The following SLC3A2 variants were observed in gnomAD, a reference collection of about 807,000 sequenced individuals.
SLC3A2 encodes the protein amino acid transporter heavy chain SLC3A2.
In SLC3A2, 32 loss-of-function variants were observed where a neutral mutation model predicts 48.5. That is an observed-to-expected ratio of 0.66 (90% CI 0.50 to 0.89). SLC3A2 has a LOEUF of 0.89. Ranked by LOEUF, SLC3A2 falls within the 40% of genes least tolerant of loss-of-function variation. The pLI is 0.00. For missense variants in SLC3A2, 587 were observed against 680.7 expected (o/e 0.86, Z 1.53); for synonymous variants, 277 against 288.8 (o/e 0.96, Z 0.41).
At chr11:62,863,998 C>T (rs1322168139) in intron 1 of SLC3A2, among the ~76,000 whole-genome samples, 1 of 152,164 alleles carries the variant, frequency 6.6e-6, no homozygotes, top group Non-Finnish European at 1.5e-5. Context: ...AGACTTGATG[C>T]AGAGCCCTTT....
chr11:62,859,936 G>A (rs1411773777), intron 1 of SLC3A2, among the ~76,000 whole-genome samples: 1 of 152,182 alleles, frequency 6.6e-6, no homozygotes, highest in Non-Finnish European at 1.5e-5. Flanking sequence ...TATAGAGGAA[G>A]AAAAGTGGAC....
At position 62,881,880 on chromosome 11, in the gene SLC3A2, G is replaced by GC; in HGVS notation, c.425-8dup. The GC allele has an allele frequency of 1.9e-6, 3 of 1,612,678 alleles. No homozygotes were observed. The highest frequency in any genetic ancestry group is 2.5e-6 in the Non-Finnish European group (3 of 1,179,120). ...CAGAGGGGCCTCACTTGTTAACCCAGCCCCCATTTCAGGTCTGAAGGGGCG... is the reference window on the plus strand; with the variant it reads ...CAGAGGGGCCTCACTTGTTAACCCAGCCCCCCATTTCAGGTCTGAAGGGGCG... On this transcript the variant is annotated splice_polypyrimidine_tract_variant and intron_variant, in intron 1 of 8. Transcript: ENST00000338663. The surrounding 1 kb of genome is among the most constrained non-coding windows in gnomAD (Gnocchi z 4.0).
At position 62,888,410 on chromosome 11, in the gene SLC3A2, T is replaced by C; in HGVS notation, c.1307T>C (p.Leu436Pro). ...CAGCGGAGTAAGGAGCGCTCCCTAC[T>C]GCATGGGGACTTCCACGCGTTCTCC... Reference protein sequence around the residue: ...SDQRSKERSLLHGDFHAFSAG... With the variant: ...SDQRSKERSLPHGDFHAFSAG... The change falls in exon 9 of 9, where the codon CTG becomes CCG. Residue 436 changes from leucine (L) to proline (P), a missense_variant. Around this residue, in one of 3 missense-constraint regions of SLC3A2, gnomAD observed 169 missense variants for 204.4 expected, o/e 0.83. Coordinates refer to ENST00000338663, the MANE Select transcript of SLC3A2 (RefSeq NM_001013251.3). 1 of 1,614,240 alleles carries C rather than the reference T, an allele frequency of 6.2e-7. No homozygotes were observed. The highest frequency in any genetic ancestry group is 2.2e-5 in the East Asian group (1 of 44,888).
intron 1 of SLC3A2, among the ~76,000 whole-genome samples, chr11:62,861,315 CA>C (rs1182735957): frequency 2.7e-5 from 4 of 147,098 alleles, no homozygotes; most frequent in South Asian, 2.1e-4. Flanking sequence ...GGCCCTGTCT[CA>C]AAAAAAAAAG....
At chr11:62,863,024 C>T (rs1426754414) in intron 1 of SLC3A2, among the ~76,000 whole-genome samples, 1 of 152,086 alleles carries the variant, frequency 6.6e-6, no homozygotes, top group African/African-American at 2.4e-5. Flanking sequence ...CAGGTTCAAG[C>T]GATTCTCTTG....
intron 1 of SLC3A2, among the ~76,000 whole-genome samples, chr11:62,857,423 C>T (rs1190628208): frequency 1.3e-5 from 2 of 152,146 alleles, no homozygotes; most frequent in Non-Finnish European, 2.9e-5. Context: ...CACACCCGGC[C>T]TGGCTCAGCA....
At chr11:62,885,715 T>G (rs1052144902) in intron 7 of SLC3A2, 107 bp downstream of exon 7, 1 of 1,252,486 alleles carries the variant, frequency 8.0e-7, no homozygotes, top group Non-Finnish European at 1.1e-6. Flanking sequence ...AAAACGCGTT[T>G]GATTCTTAGT....
At chr11:62,882,237 G>C (rs2085651399) in intron 2 of SLC3A2, 171 bp downstream of exon 2, 1 of 739,918 alleles carries the variant, frequency 1.4e-6, no homozygotes, top group East Asian at 2.7e-5. Context: ...GTCGTCTGGG[G>C]GCTTTCTACT....
upstream of SLC3A2, among the ~76,000 whole-genome samples, chr11:62,879,806 G>A (rs1044973191): frequency 2.0e-5 from 3 of 152,226 alleles, no homozygotes; most frequent in Non-Finnish European, 4.4e-5. Context: ...GGCACCCCAC[G>A]GTGTTGATGT....
intron 1 of SLC3A2, among the ~76,000 whole-genome samples, chr11:62,860,150 T>G (rs1038864083): frequency 6.6e-6 from 1 of 152,140 alleles, no homozygotes; most frequent in African/African-American, 2.4e-5. Flanking sequence ...GTGCTGTGCC[T>G]TGATGTGCAC....
rs754875020 is a variant in SLC3A2, at chr11:62,880,985, G to T, written c.-39G>T. 2 of 1,534,402 alleles carry T rather than the reference G, an allele frequency of 1.3e-6. No homozygotes were observed. The highest frequency in any genetic ancestry group is 1.3e-5 in the South Asian group (1 of 78,006). ...CCAGGTAGGGGTTGAGCCACCATCT[G>T]ACCGCAAGCTGCGTCGTGTCGCCGG... On this transcript the variant is annotated 5_prime_UTR_variant, in exon 1 of 9. Transcript: ENST00000338663.
intron 1 of SLC3A2, among the ~76,000 whole-genome samples, chr11:62,858,971 C>T (rs1410286663): frequency 3.3e-5 from 5 of 152,152 alleles, no homozygotes; most frequent in Admixed American, 2.6e-4. Flanking sequence ...ATTCCATTGC[C>T]CAGGGACGGG....
intron 2 of SLC3A2, 28 bp downstream of exon 2, chr11:62,882,094 CAGCT>C (rs764386690): frequency 3.1e-6 from 5 of 1,613,384 alleles, no homozygotes; most frequent in Non-Finnish European, 4.2e-6. Flanking sequence ...CCCAAGGAAA[CAGCT>C]AGAAAGGACT....
At chr11:62,874,274 GTC>G (rs561587427) in intron 1 of SLC3A2, among the ~76,000 whole-genome samples, 106 of 152,022 alleles carry the variant, frequency 7.0e-4, no homozygotes, top group African/African-American at 2.5e-3. Flanking sequence ...TAAGTATTCT[GTC>G]TCTGATCAGT....
intron 1 of SLC3A2, among the ~76,000 whole-genome samples, chr11:62,860,238 A>T (rs1016126598): frequency 2.6e-5 from 4 of 152,126 alleles, no homozygotes; most frequent in African/African-American, 9.7e-5. Flanking sequence ...GCGGTGGCTC[A>T]CGCCTGTAAT....
Position 62,885,272 on chromosome 11 carries a change from C to CT in SLC3A2, c.915dup (p.Asp306Ter). The CT allele has an allele frequency of 6.2e-7, 1 of 1,614,224 alleles. No homozygotes were observed. The highest frequency in any genetic ancestry group is 8.5e-7 in the Non-Finnish European group (1 of 1,180,038). ...TTGCTGTTGACTAGCTCATACCTGT[C>CT]TGATTCTGGTTCTACTGGGGAGCAT... On this transcript the variant is annotated frameshift_variant, in exon 6 of 9. Coordinates refer to ENST00000338663, the MANE Select transcript of SLC3A2 (RefSeq NM_001013251.3). LOFTEE classifies it high-confidence loss of function.
At chr11:62,869,585 TTA>T in intron 1 of SLC3A2, among the ~76,000 whole-genome samples, 1 of 150,088 alleles carries the variant, frequency 6.7e-6, no homozygotes, top group African/African-American at 2.5e-5. Context: ...TTCTTGATGA[TTA>T]TTGGTTTTTT....
chr11:62,886,391 CTTTTTT>C (rs760853661), intron 7 of SLC3A2: 2 of 143,412 alleles, frequency 1.4e-5, no homozygotes, highest in Admixed American at 1.4e-4. Flanking sequence ...TGATCCCCGA[CTTTTTT>C]TTTTTGTTTG....
At position 62,888,494 on chromosome 11, in the gene SLC3A2, T is replaced by C; in HGVS notation, c.1391T>C (p.Val464Ala). 6.2e-7 allele frequency: 1 copy of C among 1,614,228 alleles called. No homozygotes were observed. The highest frequency in any genetic ancestry group is 8.5e-7 in the Non-Finnish European group (1 of 1,180,038). ...TGGGACCAGAATGAGCGTTTTCTGG[T>C]AGTGCTTAACTTTGGGGATGTGGGC... ...RHWDQNERFL[V>A]VLNFGDVGLS... is the part of the protein sequence containing the mutation. Residue 464 changes from valine (V) to alanine (A), a missense_variant, in exon 9 of 9, where the codon GTA becomes GCA. Coordinates refer to ENST00000338663, the MANE Select transcript of SLC3A2 (RefSeq NM_001013251.3).
Sources: allele counts gnomAD v4.1 joint callset (sites outside exome capture counted in the v4.1 genomes callset), GRCh38; gene constraint gnomAD v4.1.1; regional missense constraint gnomAD v4.1.1; non-coding constraint Gnocchi (gnomAD v3.1); transcripts MANE v1.5; gene names NCBI Gene and HGNC (gene_info 2026-07-23, HGNC 2026-07-21).